The following NPAS2 variants were observed in gnomAD, a reference collection of about 807,000 sequenced individuals.
NPAS2 encodes the protein neuronal PAS domain-containing protein 2.
In NPAS2, 23 loss-of-function variants were observed where a neutral mutation model predicts 107.5. The observed-to-expected ratio is 0.21, with a 90% CI of 0.15 to 0.30. The LOEUF is 0.30. Among genes scored for constraint, NPAS2 ranks in the 10% least tolerant of loss-of-function variants. The pLI, the probability that NPAS2 is intolerant of heterozygous loss-of-function variation, is 1.00. For synonymous variants in NPAS2, 403 were observed against 417.5 expected, an observed-to-expected ratio of 0.97 and a Z score of 0.42; for missense variants, 756 against 1,043.3, an observed-to-expected ratio of 0.72 and a Z score of 3.79.
At position 100,974,839 on chromosome 2, in the gene NPAS2, A is replaced by G; in HGVS notation, c.1177A>G (p.Asn393Asp). 2 of 1,614,124 alleles carry G rather than the reference A, an allele frequency of 1.2e-6. No individual in the cohort carries two copies. The highest frequency in any genetic ancestry group is 1.7e-6 in the Non-Finnish European group (2 of 1,180,010). ...GSSLEPRQHF[N>D]TLDVGASGLN... ...AAGCCTGGAACCTCGGCAGCACTTT[A>G]ACACACTCGACGTGGGTGCCTCGGG... The change falls in exon 13 of 21, where the codon AAC becomes GAC. Residue 393 changes from asparagine to aspartate, a missense_variant. Asn to Asp is a conservative substitution (Grantham distance 23). Around this residue, in one of 4 missense-constraint regions of NPAS2, gnomAD observed 496 missense variants for 594.4 expected, o/e 0.83. Coordinates refer to ENST00000335681, the MANE Select transcript of NPAS2 (RefSeq NM_002518.4).
intron 1 of NPAS2, among the ~76,000 whole-genome samples, chr2:100,864,175 T>C (rs1209283376): frequency 2.0e-5 from 3 of 152,316 alleles, no homozygotes; most frequent in African/African-American, 7.2e-5. Flanking sequence ...TCAGAGCCCA[T>C]GTGGGATACC....
Position 100,975,552 on chromosome 2 carries a change from G to C in NPAS2, c.1377G>C (p.Gln459His). The change falls in exon 14 of 21, where the codon CAG becomes CAC. Residue 459 changes from glutamine to histidine, a missense_variant. Physicochemically the swap from Gln to His is conservative, Grantham distance 24. This residue lies in a region of NPAS2 where 496 missense variants were observed against 594.4 expected (regional missense o/e 0.83). Coordinates refer to ENST00000335681, the MANE Select transcript of NPAS2 (RefSeq NM_002518.4). ...AGTTACCTGTCCCCGGGCTCAGCCA[G>C]GCAGCCACCATGCCGGTAAGTGTGT... ...PQELPVPGLS[Q>H]AATMPAPLPS... 1 of 1,611,366 alleles carries C rather than the reference G, an allele frequency of 6.2e-7. No homozygotes were observed. The highest frequency in any genetic ancestry group is 8.5e-7 in the Non-Finnish European group (1 of 1,178,634).
intron 1 of NPAS2, among the ~76,000 whole-genome samples, chr2:100,870,726 A>G (rs1172856970): frequency 1.3e-5 from 2 of 152,298 alleles, no homozygotes; most frequent in African/African-American, 4.8e-5. Context: ...AGGGTGATAT[A>G]GGCAGGTCCC....
At chr2:100,867,789 C>T (rs774771422) in intron 1 of NPAS2, among the ~76,000 whole-genome samples, 3 of 152,150 alleles carry the variant, frequency 2.0e-5, no homozygotes, top group Non-Finnish European at 2.9e-5. Context: ...GATCCTCCCT[C>T]GTAGGTCTCC....
chr2:100,863,514 TTTCAACATCCTAGAGGG>T (rs1294631576), intron 1 of NPAS2, among the ~76,000 whole-genome samples: 1 of 152,210 alleles, frequency 6.6e-6, no homozygotes, highest in Non-Finnish European at 1.5e-5. Context: ...TGGTTGCTTT[TTTCAACATCCTAGAGGG>T]ATGTGAAGCC....
intron 10 of NPAS2, among the ~76,000 whole-genome samples, chr2:100,967,745 G>C (rs755378830): frequency 6.6e-6 from 1 of 152,142 alleles, no homozygotes; most frequent in Admixed American, 6.5e-5. Flanking sequence ...ATCACTATGG[G>C]GGGGCTGCAA....
chr2:100,873,607 T>TTTTC (rs1302196816), intron 1 of NPAS2, among the ~76,000 whole-genome samples: 1 of 152,066 alleles, frequency 6.6e-6, no homozygotes, highest in Non-Finnish European at 1.5e-5. Context: ...AACCTCTGTA[T>TTTTC]TTTCTCCTTT....
chr2:100,860,790 C>G (rs1025692729), intron 1 of NPAS2, among the ~76,000 whole-genome samples: 2 of 152,212 alleles, frequency 1.3e-5, no homozygotes, highest in African/African-American at 4.8e-5. Context: ...CCGCATCATT[C>G]TTTGAGCTCT....
In NPAS2 at chr2:100,995,653, G is replaced by C. The variant is rs1032506433; in HGVS notation, c.*71G>C. 2 of 1,559,478 alleles carry C rather than the reference G, an allele frequency of 1.3e-6. No individual in the cohort carries two copies. The highest frequency in any genetic ancestry group is 2.4e-5 in the East Asian group (1 of 42,384). ...TGAGGGGGGTGGCCACAGGAGATGG[G>C]GAGAGGAGTCTGAACTAAACCCCTG... On this transcript the variant is annotated 3_prime_UTR_variant, in exon 21 of 21. Coordinates refer to ENST00000335681, the MANE Select transcript of NPAS2 (RefSeq NM_002518.4).
Position 100,820,885 on chromosome 2 carries a change from G to A in NPAS2, c.-23+471G>A. 2.3e-6 allele frequency: 1 copy of A among 438,538 alleles called. No individual in the cohort carries two copies. Among genetic ancestry groups the A allele is most frequent in the South Asian group, 2.1e-5 (1 of 47,572 alleles). The allele number at this position is 438,538 out of a possible 1,614,324, so 27.2% of individuals were successfully genotyped here. A position where few individuals can be genotyped will look rare whatever the true frequency, so the allele number is the denominator to read the frequency against. On this transcript the variant is annotated intron_variant, in intron 1 of 20. Coordinates refer to ENST00000335681, the MANE Select transcript of NPAS2 (RefSeq NM_002518.4). This position sits in a 1 kb window ranked among gnomAD's most constrained non-coding sequence, Gnocchi z 5.6. Reference sequence around the variant, plus strand: ...CGCGCCCTGGGCCCGCGGTCTCTCGGAGTCCCTGGGTCGGAATTGGTTCCG... The same window carrying A: ...CGCGCCCTGGGCCCGCGGTCTCTCGAAGTCCCTGGGTCGGAATTGGTTCCG...
At chr2:100,937,182 C>T (rs192032247) in intron 4 of NPAS2, among the ~76,000 whole-genome samples, 48 of 152,220 alleles carry the variant, frequency 3.2e-4, no homozygotes, top group Admixed American at 2.4e-3. Context: ...AACCCCCACA[C>T]CCACCCAGCC....
At chr2:100,992,981 G>A (rs575954744) in intron 19 of NPAS2, among the ~76,000 whole-genome samples, 3 of 152,018 alleles carry the variant, frequency 2.0e-5, no homozygotes, top group Admixed American at 2.0e-4. Flanking sequence ...CCAGGCTGGA[G>A]TGCAGTGGTG....
chr2:100,972,198 T>A (rs746834791), intron 12 of NPAS2, among the ~76,000 whole-genome samples: 17 of 152,142 alleles, frequency 1.1e-4, no homozygotes, highest in Non-Finnish European at 8.8e-5. Context: ...TCCTCCCACC[T>A]CAGCTTCTCA....
chr2:100,877,443 CT>C (rs1680044509), intron 1 of NPAS2, among the ~76,000 whole-genome samples: 1 of 59,490 alleles, frequency 1.7e-5, no homozygotes, highest in African/African-American at 6.2e-5. Context: ...GAGACTCCGT[CT>C]CAAAAAAAAA....
In NPAS2 at chr2:100,855,872, C is replaced by T. The variant is rs186530982; in HGVS notation, c.-23+35458C>T. Among the ~76,000 whole-genome samples, 124 of 152,286 alleles carry T rather than the reference C, an allele frequency of 8.1e-4. 1 individual carries two copies. Among genetic ancestry groups the T allele is most frequent in the South Asian group, 2.1e-4 (1 of 4,820 alleles). On this transcript the variant is annotated intron_variant, in intron 1 of 20. Coordinates refer to ENST00000335681, the MANE Select transcript of NPAS2 (RefSeq NM_002518.4). Reference sequence around the variant, plus strand: ...CCCCAAAACTCTTGGAGGAAAAGTGCACAATGCCTAGTACAGAGGGTCTCA... The same window carrying T: ...CCCCAAAACTCTTGGAGGAAAAGTGTACAATGCCTAGTACAGAGGGTCTCA...
At chr2:100,979,314 T>TA (rs1677252096) in intron 15 of NPAS2, among the ~76,000 whole-genome samples, 1 of 151,838 alleles carries the variant, frequency 6.6e-6, no homozygotes, top group East Asian at 1.9e-4. Context: ...AGTAACCTTT[T>TA]AATCCAAAGG....
At chr2:100,875,227 A>G (rs1176023205) in intron 1 of NPAS2, among the ~76,000 whole-genome samples, 2 of 152,114 alleles carry the variant, frequency 1.3e-5, no homozygotes, top group Non-Finnish European at 2.9e-5. Context: ...AGTCACTTAG[A>G]GTTGTCAGAT....
In NPAS2 at chr2:100,990,257, G is replaced by A; in HGVS notation, c.1829G>A (p.Gly610Asp). The change falls in exon 18 of 21, where the codon GGT (glycine) becomes GAT (aspartate). Residue 610 changes from glycine (G) to aspartate (D), a missense_variant and splice_region_variant. Gly to Asp is a moderately conservative substitution (Grantham distance 94, BLOSUM62 -1). Around this residue, in one of 4 missense-constraint regions of NPAS2, gnomAD observed 496 missense variants for 594.4 expected, o/e 0.83. Coordinates refer to ENST00000335681, the MANE Select transcript of NPAS2 (RefSeq NM_002518.4). Reference sequence around the variant, plus strand: ...TTTCTCATTGAAATGATGCTCCAGGGTCCAAAGCCAATGAGAAGCTCACAG... The same window carrying A: ...TTTCTCATTGAAATGATGCTCCAGGATCCAAAGCCAATGAGAAGCTCACAG... ...LRESSVISTQ[G>D]PKPMRSSQLM... 4 of 1,614,042 alleles carry A rather than the reference G, an allele frequency of 2.5e-6. No homozygotes were observed. The highest frequency in any genetic ancestry group is 3.4e-6 in the Non-Finnish European group (4 of 1,179,940).
rs1431116164 is a variant in NPAS2, at chr2:100,993,489, G to T, written c.2254G>T (p.Ala752Ser). 6.2e-7 allele frequency: 1 copy of T among 1,601,848 alleles called. No individual in the cohort carries two copies. The highest frequency in any genetic ancestry group is 1.3e-5 in the African/African-American group (1 of 74,504). ...PASQPSPLQP[A>S]QARQQPPQHY... Reference sequence around the variant, plus strand: ...CTCCCAACCATCGCCCCTGCAGCCTGCACAGGCCCGGCAGCAGCCACCGCA... The same window carrying T: ...CTCCCAACCATCGCCCCTGCAGCCTTCACAGGCCCGGCAGCAGCCACCGCA... Residue 752 changes from alanine to serine, a missense_variant, in exon 20 of 21, where the codon GCA becomes TCA. This residue lies in a region of NPAS2 where 496 missense variants were observed against 594.4 expected (regional missense o/e 0.83). Coordinates refer to ENST00000335681, the MANE Select transcript of NPAS2 (RefSeq NM_002518.4).
Sources: gnomAD v4.1 joint callset for allele counts (sites outside exome capture counted in the v4.1 genomes callset) on GRCh38, gnomAD v4.1.1 for gene constraint, gnomAD v4.1.1 regional missense constraint, Gnocchi (gnomAD v3.1) non-coding constraint, MANE v1.5 for transcripts, NCBI Gene and HGNC (gene_info 2026-07-23, HGNC 2026-07-21) for gene names.